The following BCKDHB variants were observed in gnomAD, a reference collection of about 807,000 sequenced individuals.
The protein encoded by BCKDHB is 2-oxoisovalerate dehydrogenase subunit beta, mitochondrial.
A neutral mutation model predicts 48.5 loss-of-function variants in BCKDHB; 41 were observed. The ratio of observed to expected loss-of-function variants is 0.85; its 90% confidence interval spans 0.66 to 1.10. The LOEUF (loss-of-function observed/expected upper bound fraction) is 1.10, where lower values mean the gene tolerates loss of function less well. Ranked by LOEUF, BCKDHB falls within the 50% of genes least tolerant of loss-of-function variation. The pLI is 0.00. For missense variants in BCKDHB, 496 were observed against 494.2 expected, an observed-to-expected ratio of 1.00 and a Z score of -0.03; for synonymous variants, 201 against 174.8, an observed-to-expected ratio of 1.15 and a Z score of -1.18.
At chr6:80,343,173 G>A (rs1770008433) in intron 9 of BCKDHB, among the ~76,000 whole-genome samples, 1 of 152,226 alleles carries the variant, frequency 6.6e-6, no homozygotes, top group African/African-American at 2.4e-5. Context: ...GCTAGACTAT[G>A]AGAGAGATGA....
chr6:80,368,735 G>T, the BCKDHB span, among the ~76,000 whole-genome samples: 1 of 151,894 alleles, frequency 6.6e-6, no homozygotes, highest in South Asian at 2.1e-4. Context: ...CCAGCCCTGG[G>T]CATGGTGGCT....
At chr6:80,409,945 G>C in the BCKDHB span, among the ~76,000 whole-genome samples, 1 of 151,776 alleles carries the variant, frequency 6.6e-6, no homozygotes, top group Non-Finnish European at 1.5e-5. Flanking sequence ...GTGTGAATTT[G>C]ATCCTCTCAT....
the BCKDHB span, chr6:80,356,930 T>A: frequency 1.1e-5 from 1 of 90,634 alleles, no homozygotes. Flanking sequence ...CCTCTCTCTC[T>A]CTCTCCCCCG....
chr6:80,372,590 A>ACATC, the BCKDHB span, among the ~76,000 whole-genome samples: 1 of 152,186 alleles, frequency 6.6e-6, no homozygotes, highest in Non-Finnish European at 1.5e-5. Context: ...TGGGTTTGTC[A>ACATC]TAGATGGCTT....
At chr6:80,408,689 G>A in the BCKDHB span, among the ~76,000 whole-genome samples, 3 of 151,872 alleles carry the variant, frequency 2.0e-5, no homozygotes, top group Non-Finnish European at 4.4e-5. Context: ...GTTTCTGTGG[G>A]ATTGGTGGTG....
At chr6:80,259,575 G>A (rs1044179227) in intron 8 of BCKDHB, among the ~76,000 whole-genome samples, 5 of 152,260 alleles carry the variant, frequency 3.3e-5, no homozygotes, top group African/African-American at 1.2e-4. Context: ...TAGTAGATGT[G>A]AGAAATGGTC....
chr6:80,167,626 A>G (rs1485522973), intron 3 of BCKDHB, 52 bp from the exon 4 acceptor site: 19 of 1,513,044 alleles, frequency 1.3e-5, no homozygotes, highest in Non-Finnish European at 1.7e-5. Context: ...TGTATTATGC[A>G]TGACATTACT....
intron 6 of BCKDHB, among the ~76,000 whole-genome samples, chr6:80,193,699 A>C (rs978594908): frequency 1.3e-5 from 2 of 151,240 alleles, no homozygotes; most frequent in African/African-American, 4.9e-5. Context: ...TAGCCTGGGC[A>C]ACAGAGCGAG....
chr6:80,201,136 C>A, intron 7 of BCKDHB, 105 bp downstream of exon 7: 1 of 934,342 alleles, frequency 1.1e-6, no homozygotes, highest in Non-Finnish European at 1.7e-6. Context: ...CTTTATATCT[C>A]AGATTAAGTC....
the BCKDHB span, among the ~76,000 whole-genome samples, chr6:80,435,815 C>T: frequency 3.3e-4 from 50 of 152,058 alleles, 1 homozygote; most frequent in Admixed American, 2.5e-3. Flanking sequence ...GGGTGGATCA[C>T]GAGGTCCAGA....
chr6:80,458,208 T>G, the BCKDHB span, among the ~76,000 whole-genome samples: 1 of 152,286 alleles, frequency 6.6e-6, no homozygotes, highest in East Asian at 1.9e-4. Context: ...TCTGCACAAT[T>G]TCTGCAGATC....
chr6:80,372,873 G>A, the BCKDHB span, among the ~76,000 whole-genome samples: 4 of 152,000 alleles, frequency 2.6e-5, no homozygotes, highest in African/African-American at 9.7e-5. Flanking sequence ...GAGGATTTTT[G>A]TATCTATGTT....
chr6:80,455,234 G>A, the BCKDHB span, among the ~76,000 whole-genome samples: 1 of 151,982 alleles, frequency 6.6e-6, no homozygotes, highest in Non-Finnish European at 1.5e-5. Context: ...GTCAGCCTAG[G>A]TTACCACACC....
chr6:80,417,913 T>G, the BCKDHB span, among the ~76,000 whole-genome samples: 1 of 152,206 alleles, frequency 6.6e-6, no homozygotes, highest in East Asian at 1.9e-4. Context: ...CTTGATAATA[T>G]TCTGAAGTAT....
chr6:80,383,327 C>T, the BCKDHB span, among the ~76,000 whole-genome samples: 1 of 151,888 alleles, frequency 6.6e-6, no homozygotes, highest in Non-Finnish European at 1.5e-5. Context: ...TTATGAGTTC[C>T]TGACATATAA....
At chr6:80,157,459 ATTTTTTTTTTT>A (rs36063034) in intron 3 of BCKDHB, among the ~76,000 whole-genome samples, 5 of 96,752 alleles carry the variant, frequency 5.2e-5, no homozygotes, top group Admixed American at 2.9e-4. Flanking sequence ...TTGGGTGAGA[ATTTTTTTTTTT>A]TTTTTTTTTT....
chr6:80,169,671 A>C (rs1176260969), intron 5 of BCKDHB: 4 of 647,330 alleles, frequency 6.2e-6, no homozygotes, highest in Non-Finnish European at 9.1e-6. Context: ...CTGTTTACTG[A>C]ATAAGCTTTT....
rs532918278 is a variant in BCKDHB, at chr6:80,311,037, A to G, written c.1039-32627A>G. 2.9e-4 allele frequency among the ~76,000 whole-genome samples: 44 copies of G among 152,238 alleles called. 3 individuals carry two copies. The South Asian group carries it at 8.7e-3, about 30-fold the overall frequency. ...GGTGATATGGTTTGGCTGTGACCCC[A>G]CCCAATCTCACATTGTGGGTGGGAC... is the stretch of plus-strand genomic sequence containing the variant. On this transcript the variant is annotated intron_variant, in intron 9 of 9. Coordinates refer to ENST00000320393, the MANE Select transcript of BCKDHB (RefSeq NM_183050.4).
At chr6:80,458,890 A>G in the BCKDHB span, among the ~76,000 whole-genome samples, 2 of 152,122 alleles carry the variant, frequency 1.3e-5, no homozygotes, top group African/African-American at 4.8e-5. Flanking sequence ...AGTGTCACTA[A>G]TCATCAGGAA....
Sources: gnomAD v4.1 joint callset for allele counts (sites outside exome capture counted in the v4.1 genomes callset) on GRCh38, gnomAD v4.1.1 for gene constraint, MANE v1.5 for transcripts, NCBI Gene and HGNC (gene_info 2026-07-23, HGNC 2026-07-21) for gene names.